Variants in ATP6V1H observed in about 807,000 individuals in gnomAD.
The protein encoded by ATP6V1H is ATPase H+ transporting V1 subunit H.
In ATP6V1H, 39 loss-of-function variants were observed where a neutral mutation model predicts 71.7. The observed-to-expected ratio is 0.54, with a 90% CI of 0.42 to 0.71. ATP6V1H has a LOEUF of 0.71. Among genes scored for constraint, ATP6V1H ranks in the 30% least tolerant of loss-of-function variants. The probability of loss-of-function intolerance (pLI) is 0.00; values close to 1 mark genes in which losing one functional copy is unlikely to be tolerated. For missense variants in ATP6V1H, 509 were observed against 594.9 expected (o/e 0.86, Z 1.50); for synonymous variants, 192 against 199.3 (o/e 0.96, Z 0.31).
In ATP6V1H at chr8:53,756,671, A is replaced by G. The variant is rs1808080203; in HGVS notation, c.1176-15T>C. 1 of 1,586,066 alleles carries G rather than the reference A, an allele frequency of 6.3e-7. No homozygotes were observed. Among genetic ancestry groups the G allele is most frequent in the Non-Finnish European group, 8.6e-7 (1 of 1,156,424 alleles). ...TTGTCAAGATTCTGAAATAAATTTTATCCAAAGAGAGATCAAGTTCTAATT... is the reference window on the plus strand; with the variant it reads ...TTGTCAAGATTCTGAAATAAATTTTGTCCAAAGAGAGATCAAGTTCTAATT... On this transcript the variant is annotated splice_polypyrimidine_tract_variant and intron_variant, in intron 11 of 13. Coordinates refer to ENST00000359530, the MANE Select transcript of ATP6V1H (RefSeq NM_015941.4).
intron 13 of ATP6V1H, among the ~76,000 whole-genome samples, chr8:53,730,093 C>T (rs1806966006): frequency 6.6e-6 from 1 of 152,152 alleles, no homozygotes; most frequent in South Asian, 2.1e-4. Context: ...AAGTGAACAG[C>T]CTGGCTATGA....
At chr8:53,745,908 C>G (rs1318108555) in intron 12 of ATP6V1H, among the ~76,000 whole-genome samples, 1 of 152,206 alleles carries the variant, frequency 6.6e-6, no homozygotes, top group Non-Finnish European at 1.5e-5. Flanking sequence ...AAAAGCGCCT[C>G]TAGTATTGAC....
At chr8:53,841,818 A>C (rs1811352133) in intron 1 of ATP6V1H, 93 bp from the exon 2 acceptor site, 6 of 1,193,950 alleles carry the variant, frequency 5.0e-6, no homozygotes, top group South Asian at 5.0e-5. Flanking sequence ...TGATCACTTT[A>C]ATCTCCCCAG....
At chr8:53,758,636 C>T (rs981210101) in intron 11 of ATP6V1H, among the ~76,000 whole-genome samples, 1 of 152,192 alleles carries the variant, frequency 6.6e-6, no homozygotes, top group Non-Finnish European at 1.5e-5. Flanking sequence ...AATCTATGCT[C>T]CCAGGTAGCC....
intron 8 of ATP6V1H, among the ~76,000 whole-genome samples, chr8:53,799,018 C>A (rs1809830424): frequency 6.6e-6 from 1 of 152,104 alleles, no homozygotes; most frequent in Non-Finnish European, 1.5e-5. Context: ...ATTTTATAAG[C>A]AATTATAACT....
intron 11 of ATP6V1H, among the ~76,000 whole-genome samples, chr8:53,766,299 C>T (rs1263831171): frequency 3.3e-5 from 5 of 152,254 alleles, no homozygotes; most frequent in Admixed American, 3.3e-4. Flanking sequence ...TTCATGGACA[C>T]TTATCACTTC....
At chr8:53,771,564 C>T (rs1026362323) in intron 10 of ATP6V1H, among the ~76,000 whole-genome samples, 1 of 152,102 alleles carries the variant, frequency 6.6e-6, no homozygotes, top group East Asian at 1.9e-4. Flanking sequence ...ACTGTACATA[C>T]ATTATTTACA....
At position 53,817,403 on chromosome 8, in the gene ATP6V1H, A is replaced by G. The variant is rs781299965; in HGVS notation, c.420+14T>C. ...AAAATTTTAAAAAAAGAATCCAATC[A>G]ATTCAAAATTTACCATATGAACAGT... On this transcript the variant is annotated intron_variant, in intron 5 of 13. Transcript: ENST00000359530. The G allele has an allele frequency of 6.4e-7, 1 of 1,556,954 alleles. No homozygotes were observed. The highest frequency in any genetic ancestry group is 8.8e-7 in the Non-Finnish European group (1 of 1,134,790).
chr8:53,819,002 T>C (rs1477959338), intron 4 of ATP6V1H, among the ~76,000 whole-genome samples: 1 of 151,860 alleles, frequency 6.6e-6, no homozygotes, highest in Non-Finnish European at 1.5e-5. Flanking sequence ...GCCCAGGAGT[T>C]CAAGACCAGC....
At chr8:53,781,886 T>C (rs1809148128) in intron 9 of ATP6V1H, among the ~76,000 whole-genome samples, 1 of 152,208 alleles carries the variant, frequency 6.6e-6, no homozygotes, top group Admixed American at 6.5e-5. Flanking sequence ...CTCTGTTCTG[T>C]TCCATTGGTT....
chr8:53,831,312 C>G (rs1810998833), intron 3 of ATP6V1H, among the ~76,000 whole-genome samples: 1 of 152,194 alleles, frequency 6.6e-6, no homozygotes, highest in Non-Finnish European at 1.5e-5. Context: ...CCTGTACAGT[C>G]TGTAACTATA....
intron 7 of ATP6V1H, among the ~76,000 whole-genome samples, chr8:53,810,235 C>T (rs1463231326): frequency 1.3e-5 from 2 of 152,164 alleles, no homozygotes; most frequent in Non-Finnish European, 2.9e-5. Context: ...CTCCGTTTTC[C>T]CTAACTTTCT....
chr8:53,773,287 T>C (rs966337148), intron 9 of ATP6V1H, among the ~76,000 whole-genome samples: 2 of 152,210 alleles, frequency 1.3e-5, no homozygotes, highest in African/African-American at 4.8e-5. Flanking sequence ...AGCAACAGTA[T>C]AAATTAATTT....
At chr8:53,826,883 C>A (rs1810838361) in intron 4 of ATP6V1H, among the ~76,000 whole-genome samples, 1 of 151,228 alleles carries the variant, frequency 6.6e-6, no homozygotes, top group Non-Finnish European at 1.5e-5. Context: ...ACCCAGGAGG[C>A]AGAGGTTGCG....
chr8:53,820,126 C>T (rs1431646906), intron 4 of ATP6V1H, among the ~76,000 whole-genome samples: 1 of 151,584 alleles, frequency 6.6e-6, no homozygotes, highest in Admixed American at 6.6e-5. Flanking sequence ...GATATGGGCA[C>T]AGGAAGGAAG....
chr8:53,736,232 G>A (rs569674397), intron 13 of ATP6V1H, among the ~76,000 whole-genome samples: 39 of 152,114 alleles, frequency 2.6e-4, no homozygotes, highest in Middle Eastern at 3.4e-3. Context: ...ACCCAGACCC[G>A]TCTGGCCCAG....
intron 10 of ATP6V1H, among the ~76,000 whole-genome samples, chr8:53,771,306 C>A (rs903418299): frequency 2.6e-5 from 4 of 152,002 alleles, no homozygotes; most frequent in African/African-American, 9.7e-5. Flanking sequence ...TAAAAACATG[C>A]CAGTGGTAAT....
chr8:53,805,162 C>G (rs1004864962), intron 7 of ATP6V1H, among the ~76,000 whole-genome samples: 9 of 152,116 alleles, frequency 5.9e-5, no homozygotes, highest in Admixed American at 5.9e-4. Context: ...TAAGTGCAAA[C>G]TAAGTGAAAA....
intron 7 of ATP6V1H, among the ~76,000 whole-genome samples, chr8:53,802,578 G>A (rs1323898295): frequency 6.6e-6 from 1 of 151,938 alleles, no homozygotes. Context: ...AAATTAGCTG[G>A]GCCTGGTGGC....
Sources: allele counts gnomAD v4.1 joint callset (sites outside exome capture counted in the v4.1 genomes callset), GRCh38; gene constraint gnomAD v4.1.1; transcripts MANE v1.5; gene names NCBI Gene and HGNC (gene_info 2026-07-23, HGNC 2026-07-21).